Variants in LCMT1 observed in about 807,000 individuals in gnomAD.
The protein encoded by LCMT1 is leucine carboxyl methyltransferase 1.
In LCMT1, 32 loss-of-function variants were observed where a neutral mutation model predicts 47.7. The observed-to-expected ratio is 0.67, with a 90% CI of 0.51 to 0.90. The LOEUF (loss-of-function observed/expected upper bound fraction) is 0.90. Ranked by LOEUF, LCMT1 falls within the 40% of genes least tolerant of loss-of-function variation. The pLI, the probability that LCMT1 is intolerant of heterozygous loss-of-function variation, is 0.00. For missense variants in LCMT1, 375 were observed against 415.2 expected (o/e 0.90, Z 0.84); for synonymous variants, 152 against 149.7 (o/e 1.02, Z -0.11).
intron 2 of LCMT1, among the ~76,000 whole-genome samples, chr16:25,129,756 A>G (rs1374290142): frequency 6.6e-6 from 1 of 152,172 alleles, no homozygotes. Context: ...GGGTTTTTCT[A>G]TAAGGAGACA....
chr16:25,173,512 A>ACACG (rs1482588488), intron 9 of LCMT1, among the ~76,000 whole-genome samples: 1 of 152,242 alleles, frequency 6.6e-6, no homozygotes, highest in Non-Finnish European at 1.5e-5. Context: ...GCACAGACAC[A>ACACG]CACGTGTTCA....
At chr16:25,153,385 T>C (rs1961137457) in intron 5 of LCMT1, among the ~76,000 whole-genome samples, 1 of 152,262 alleles carries the variant, frequency 6.6e-6, no homozygotes, top group East Asian at 1.9e-4. Flanking sequence ...AAGGGCCTTC[T>C]TGCCGTGTCA....
chr16:25,173,017 A>G (rs1431798260), intron 9 of LCMT1, among the ~76,000 whole-genome samples: 1 of 152,204 alleles, frequency 6.6e-6, no homozygotes, highest in Admixed American at 6.5e-5. Context: ...GAGGCGGGTA[A>G]GGAGATTGGA....
intron 3 of LCMT1, 167 bp from the exon 4 acceptor site, chr16:25,140,004 C>T (rs1426298962): frequency 1.2e-5 from 7 of 598,064 alleles, no homozygotes; most frequent in African/African-American, 1.9e-5. Flanking sequence ...GCTTGCTTCC[C>T]TCAAATCTAT....
chr16:25,155,893 G>A (rs1023851198), intron 5 of LCMT1, among the ~76,000 whole-genome samples: 1 of 152,090 alleles, frequency 6.6e-6, no homozygotes, highest in African/African-American at 2.4e-5. Context: ...TGTTGCTCAG[G>A]TTGGTCTCAA....
At chr16:25,130,833 G>GATGTGC (rs1255136710) in intron 2 of LCMT1, among the ~76,000 whole-genome samples, 2 of 152,210 alleles carry the variant, frequency 1.3e-5, no homozygotes. Context: ...TCTGTATCTG[G>GATGTGC]ATGTGCATGT....
chr16:25,136,406 CAGA>C (rs1273752823), intron 3 of LCMT1, among the ~76,000 whole-genome samples: 6 of 151,824 alleles, frequency 4.0e-5, no homozygotes, highest in African/African-American at 4.8e-5. Context: ...TCAAGAATCA[CAGA>C]AGAAGAAGTT....
At chr16:25,173,484 T>G (rs1961835304) in intron 9 of LCMT1, among the ~76,000 whole-genome samples, 1 of 152,170 alleles carries the variant, frequency 6.6e-6, no homozygotes, top group African/African-American at 2.4e-5. Context: ...GGGAATGAAC[T>G]CACAAATACA....
chr16:25,125,355 C>A (rs1960132747), intron 1 of LCMT1, among the ~76,000 whole-genome samples: 1 of 152,160 alleles, frequency 6.6e-6, no homozygotes, highest in South Asian at 2.1e-4. Flanking sequence ...AATCTTTGTG[C>A]CCATACTTGA....
intron 9 of LCMT1, among the ~76,000 whole-genome samples, chr16:25,171,096 T>C (rs1961752746): frequency 6.6e-6 from 1 of 151,688 alleles, no homozygotes. Context: ...ATTAGCCAGG[T>C]AGGGTGGTGC....
At chr16:25,118,860 G>A (rs999913804) in intron 1 of LCMT1, among the ~76,000 whole-genome samples, 1 of 152,114 alleles carries the variant, frequency 6.6e-6, no homozygotes, top group Admixed American at 6.5e-5. Flanking sequence ...CAGGAGGCGG[G>A]GGCAGATGCT....
At chr16:25,172,937 G>A (rs1025413601) in intron 9 of LCMT1, among the ~76,000 whole-genome samples, 3 of 152,194 alleles carry the variant, frequency 2.0e-5, no homozygotes, top group African/African-American at 4.8e-5. Flanking sequence ...AAAGTCTCTT[G>A]CCTCCAGGCA....
intron 1 of LCMT1, among the ~76,000 whole-genome samples, chr16:25,116,293 TG>T (rs1180788176): frequency 1.2e-4 from 19 of 152,172 alleles, no homozygotes; most frequent in African/African-American, 4.3e-4. Context: ...AGGCTAAAGC[TG>T]TAACATGTAA....
chr16:25,158,063 G>A (rs1474358106), intron 5 of LCMT1, among the ~76,000 whole-genome samples: 3 of 152,168 alleles, frequency 2.0e-5, no homozygotes, highest in Admixed American at 1.3e-4. Flanking sequence ...CCTGAGATGC[G>A]TGCCCTGTAG....
At chr16:25,177,940 A>G (rs1961999515) in intron 10 of LCMT1, 61 bp from the exon 11 acceptor site, 2 of 1,517,456 alleles carry the variant, frequency 1.3e-6, no homozygotes, top group Middle Eastern at 1.7e-4. Context: ...GGGGTCCTCT[A>G]GGGGCCTCTG....
intron 1 of LCMT1, among the ~76,000 whole-genome samples, chr16:25,120,263 G>A (rs1187775468): frequency 1.3e-5 from 2 of 150,806 alleles, no homozygotes; most frequent in East Asian, 3.9e-4. Context: ...CGCTCTTGTT[G>A]CCCAGGCTGG....
At chr16:25,153,064 A>G (rs1236801971) in intron 5 of LCMT1, among the ~76,000 whole-genome samples, 1 of 152,126 alleles carries the variant, frequency 6.6e-6, no homozygotes, top group Non-Finnish European at 1.5e-5. Context: ...GTTTATTACA[A>G]CAAGCAGGGA....
chr16:25,170,097 G>A (rs1014813669), intron 8 of LCMT1, among the ~76,000 whole-genome samples: 3 of 152,054 alleles, frequency 2.0e-5, no homozygotes, highest in Non-Finnish European at 4.4e-5. Context: ...GTGCACACCT[G>A]TAATCCCAGC....
chr16:25,140,261 G>T lies in LCMT1; in HGVS notation c.404+14G>T. The T allele has an allele frequency of 6.4e-7, 1 of 1,573,740 alleles. No individual in the cohort carries two copies. Among genetic ancestry groups the T allele is most frequent in the Non-Finnish European group, 8.7e-7 (1 of 1,154,066 alleles). ...GCACAGTATCAAGTAAGTGTGGCATGGCCAGAAGAACAAAAGCCAGCGAGA... is the reference window on the plus strand; with the variant it reads ...GCACAGTATCAAGTAAGTGTGGCATTGCCAGAAGAACAAAAGCCAGCGAGA... On this transcript the variant is annotated intron_variant, in intron 4 of 10. Transcript: ENST00000399069.
Sources: allele counts gnomAD v4.1 joint callset (sites outside exome capture counted in the v4.1 genomes callset), GRCh38; gene constraint gnomAD v4.1.1; transcripts MANE v1.5; gene names NCBI Gene and HGNC (gene_info 2026-07-23, HGNC 2026-07-21).